PRUNE2: variants seen among roughly 807,000 people sequenced by gnomAD.
PRUNE2 encodes protein prune homolog 2.
PRUNE2 carries 164 observed loss-of-function variants against 252.0 expected under a neutral mutation model. The ratio of observed to expected loss-of-function variants is 0.65; its 90% CI spans 0.57 to 0.74. The LOEUF (loss-of-function observed/expected upper bound fraction) is 0.74, where lower values mean the gene tolerates loss of function less well. PRUNE2 is among the 30% of genes least tolerant of loss of function. PRUNE2 has a pLI of 0.00. For missense variants in PRUNE2, 3,495 were observed against 3,711.0 expected (o/e 0.94, Z 1.51); for synonymous variants, 1,292 against 1,350.2 (o/e 0.96, Z 0.94).
chr9:76,616,402 T>C (rs1022855140), intron 18 of PRUNE2, among the ~76,000 whole-genome samples: 3 of 152,230 alleles, frequency 2.0e-5, no homozygotes, highest in African/African-American at 7.2e-5. Flanking sequence ...GTTGACTTTT[T>C]CCCATAGATG....
Position 76,644,801 on chromosome 9 carries a change from T to A in PRUNE2, c.8666A>T (p.Glu2889Val). Residue 2889 changes from glutamate to valine, a missense_variant, in exon 12 of 19, where the codon GAA becomes GTA. Physicochemically the swap from Glu to Val is moderately radical, Grantham distance 121. Coordinates refer to ENST00000376718, the MANE Select transcript of PRUNE2 (RefSeq NM_015225.3). ...NRLWRTVVIG[E>V]QEQRIDMKVI... ...CTTCATGTCAATGCGCTGCTCTTGT[T>A]CTCCAATGACCACTGTCCTCCAAAG... The A allele has an allele frequency of 1.2e-6, 2 of 1,613,946 alleles. No individual in the cohort carries two copies. The highest frequency in any genetic ancestry group is 4.5e-5 in the East Asian group (2 of 44,874).
At chr9:76,880,422 T>TA (rs907890832) in intron 1 of PRUNE2, among the ~76,000 whole-genome samples, 2 of 152,240 alleles carry the variant, frequency 1.3e-5, no homozygotes, top group African/African-American at 4.8e-5. Context: ...TAGACATTTG[T>TA]ACTGATGGCT....
chr9:76,624,660 C>T (rs986225926), intron 16 of PRUNE2, among the ~76,000 whole-genome samples, 170 bp from the exon 17 acceptor site: 1 of 152,182 alleles, frequency 6.6e-6, no homozygotes, highest in Non-Finnish European at 1.5e-5. Context: ...GTTGTCATTG[C>T]CTCCCATTCA....
chr9:76,685,528 AGGTCATTCGGGTG>A (rs1199956197), intron 9 of PRUNE2, among the ~76,000 whole-genome samples: 2 of 152,214 alleles, frequency 1.3e-5, no homozygotes, highest in African/African-American at 4.8e-5. Flanking sequence ...AGTGAAAATG[AGGTCATTCGGGTG>A]GGCCATAGTT....
At chr9:76,722,556 C>T (rs1300878024) in intron 6 of PRUNE2, among the ~76,000 whole-genome samples, 10 of 152,148 alleles carry the variant, frequency 6.6e-5, no homozygotes, top group African/African-American at 2.4e-4. Context: ...AAAACTACTA[C>T]AATATGTACA....
At chr9:76,642,001 T>TAAAAAAAAAAAAAAAAAGAAAAAAA in intron 12 of PRUNE2, 2 of 1,010,458 alleles carry the variant, frequency 2.0e-6, no homozygotes, top group South Asian at 3.4e-5. Flanking sequence ...ATAAGAGAAG[T>TAAAAAAAAAAAAAAAAAGAAAAAAA]AAAAAAAAAA....
intron 10 of PRUNE2, among the ~76,000 whole-genome samples, chr9:76,654,044 T>C: frequency 6.6e-6 from 1 of 152,294 alleles, no homozygotes; most frequent in Admixed American, 6.5e-5. Context: ...TGTCATTTCC[T>C]AAGGTGGATA....
chr9:76,746,521 A>C (rs1025719494), intron 6 of PRUNE2, among the ~76,000 whole-genome samples: 1 of 151,148 alleles, frequency 6.6e-6, no homozygotes, highest in Non-Finnish European at 1.5e-5. Context: ...CTGGCTAACA[A>C]GGTGAAACCC....
intron 6 of PRUNE2, among the ~76,000 whole-genome samples, chr9:76,720,721 T>G (rs1436702919): frequency 6.6e-6 from 1 of 152,218 alleles, no homozygotes; most frequent in Non-Finnish European, 1.5e-5. Flanking sequence ...CCTTATGTTC[T>G]CCATAATATA....
chr9:76,694,663 G>A (rs1426213873), intron 9 of PRUNE2, among the ~76,000 whole-genome samples: 1 of 152,196 alleles, frequency 6.6e-6, no homozygotes, highest in Non-Finnish European at 1.5e-5. Flanking sequence ...CTTGCAAGAT[G>A]TTCTCACAGA....
chr9:76,656,226 C>T (rs777110650), intron 9 of PRUNE2, among the ~76,000 whole-genome samples: 18 of 151,710 alleles, frequency 1.2e-4, no homozygotes, highest in Non-Finnish European at 1.6e-4. Flanking sequence ...TGTGACGAAT[C>T]TATATGTTCT....
rs1469007550 is a variant in PRUNE2 at position 76,706,854 on chromosome 9, G to A, written c.5420C>T (p.Ser1807Leu). The A allele has an allele frequency of 3.8e-6, 6 of 1,593,276 alleles. No homozygotes were observed. The highest frequency in any genetic ancestry group is 2.7e-5 in the African/African-American group (2 of 74,096). ...DVAWQISPKA[S>L]FPKNEDNSQL... ...AGAATTATCTTCGTTCTTTGGGAAC[G>A]AAGCTTTGGGAGATATTTGCCATGC... Residue 1807 changes from serine (S) to leucine (L), a missense_variant, in exon 8 of 19, where the codon TCG becomes TTG. By Grantham distance (145) the Ser-to-Leu change is moderately radical. Transcript: ENST00000376718.
chr9:76,705,382 C>T lies in PRUNE2; in HGVS notation c.6892G>A (p.Ala2298Thr). 1 of 1,614,008 alleles carries T rather than the reference C, an allele frequency of 6.2e-7. No homozygotes were observed. The highest frequency in any genetic ancestry group is 2.2e-5 in the East Asian group (1 of 44,884). ...SDTCLDISEA[A>T]FDHSFSDASG... ...GCATCGCTGAAACTGTGGTCAAAGG[C>T]AGCTTCGCTTATATCCAGACAAGTG... is the stretch of plus-strand genomic sequence containing the variant. The change falls in exon 8 of 19, where the codon GCC becomes ACC. Residue 2298 changes from alanine (A) to threonine (T), a missense_variant. Physicochemically the swap from Ala to Thr is moderately conservative, Grantham distance 58. Coordinates refer to ENST00000376718, the MANE Select transcript of PRUNE2 (RefSeq NM_015225.3).
intron 9 of PRUNE2, among the ~76,000 whole-genome samples, chr9:76,699,092 T>C (rs1402322598): frequency 7.5e-6 from 1 of 132,646 alleles, no homozygotes; most frequent in Non-Finnish European, 1.6e-5. Context: ...AAAAGATTCA[T>C]CAGTTGAATA....
chr9:76,613,942 A>G lies in PRUNE2; in HGVS notation c.*628T>C, dbSNP rs565743690. ...GATGTTAAAAGACCAATTTACATAA[A>G]ATATAATGCCCAATTTGACAACTAA... is the stretch of plus-strand genomic sequence containing the variant. On this transcript the variant is annotated 3_prime_UTR_variant, in exon 19 of 19. Transcript: ENST00000376718. The G allele has an allele frequency of 6.6e-6, 1 of 152,362 alleles. No individual in the cohort carries two copies. The highest frequency in any genetic ancestry group is 2.1e-4 in the South Asian group (1 of 4,828). 9.4% of individuals were successfully genotyped at this position (152,362 alleles called of 1,614,324 possible). A position where few individuals can be genotyped will look rare whatever the true frequency, so the allele number is the denominator to read the frequency against.
At chr9:76,898,930 A>G (rs2063006263) in intron 1 of PRUNE2, among the ~76,000 whole-genome samples, 1 of 152,200 alleles carries the variant, frequency 6.6e-6, no homozygotes, top group Non-Finnish European at 1.5e-5. Context: ...TCCACCACAA[A>G]CAGTCCCACT....
chr9:76,874,846 T>C (rs2061394981), intron 1 of PRUNE2, among the ~76,000 whole-genome samples: 1 of 152,100 alleles, frequency 6.6e-6, no homozygotes. Flanking sequence ...AGATCAAAAG[T>C]GGGCTGAGGT....
At chr9:76,749,833 T>C (rs1464713134) in intron 6 of PRUNE2, among the ~76,000 whole-genome samples, 1 of 152,198 alleles carries the variant, frequency 6.6e-6, no homozygotes, top group Non-Finnish European at 1.5e-5. Flanking sequence ...ATGACAGATT[T>C]GCGTTTCAGT....
chr9:76,793,697 C>T (rs1403608603), intron 6 of PRUNE2, among the ~76,000 whole-genome samples: 1 of 151,734 alleles, frequency 6.6e-6, no homozygotes, highest in Non-Finnish European at 1.5e-5. Context: ...AGGTCACACA[C>T]ATCTAATTTT....
Sources: allele counts gnomAD v4.1 joint callset (sites outside exome capture counted in the v4.1 genomes callset), GRCh38; gene constraint gnomAD v4.1.1; transcripts MANE v1.5; gene names NCBI Gene and HGNC (gene_info 2026-07-23, HGNC 2026-07-21).